Variants in LRRTM4 observed in about 807,000 individuals in gnomAD.
The protein encoded by LRRTM4 is leucine rich repeat transmembrane neuronal 4.
LRRTM4 carries 25 observed loss-of-function variants against 47.6 expected under a neutral mutation model. The observed-to-expected ratio is 0.53, with a 90% CI of 0.38 to 0.73. The LOEUF (loss-of-function observed/expected upper bound fraction) is 0.73. Among genes scored for constraint, LRRTM4 ranks in the 30% least tolerant of loss-of-function variants. The pLI, the probability that LRRTM4 is intolerant of heterozygous loss-of-function variation, is 0.00. For synonymous variants in LRRTM4, 311 were observed against 269.5 expected (o/e 1.15, Z -1.51); for missense variants, 638 against 713.4 (o/e 0.89, Z 1.20).
At chr2:77,193,775 C>A (rs900970284) in intron 3 of LRRTM4, among the ~76,000 whole-genome samples, 1 of 152,064 alleles carries the variant, frequency 6.6e-6, no homozygotes, top group African/African-American at 2.4e-5. Context: ...GAAACTCCAT[C>A]TCAGGAAAAA....
At chr2:77,343,066 T>G (rs1671433275) in intron 3 of LRRTM4, among the ~76,000 whole-genome samples, 1 of 151,978 alleles carries the variant, frequency 6.6e-6, no homozygotes, top group South Asian at 2.1e-4. Context: ...GAAAGCAAAT[T>G]AATTCACTAT....
chr2:77,284,130 C>A (rs1319213260), intron 3 of LRRTM4, among the ~76,000 whole-genome samples: 14 of 152,148 alleles, frequency 9.2e-5, no homozygotes, highest in Middle Eastern at 3.4e-3. Context: ...CTTTGTCTAA[C>A]AAGTGAAGCT....
At chr2:76,896,676 A>T (rs2103730083) in intron 3 of LRRTM4, among the ~76,000 whole-genome samples, 1 of 151,822 alleles carries the variant, frequency 6.6e-6, no homozygotes, top group East Asian at 1.9e-4. Flanking sequence ...TTAGTTAAAA[A>T]GTGTTATCTA....
chr2:76,926,001 G>A (rs1674578309), intron 3 of LRRTM4, among the ~76,000 whole-genome samples: 1 of 152,090 alleles, frequency 6.6e-6, no homozygotes. Flanking sequence ...ATAAAACCAG[G>A]TTGTTACAAG....
intron 3 of LRRTM4, among the ~76,000 whole-genome samples, chr2:76,927,367 C>A (rs1164083956): frequency 1.3e-5 from 2 of 152,070 alleles, no homozygotes; most frequent in African/African-American, 2.4e-5. Flanking sequence ...CCTCTAAAGG[C>A]CTTGCTGTAT....
intron 3 of LRRTM4, among the ~76,000 whole-genome samples, chr2:77,037,750 G>C (rs556492939): frequency 6.6e-6 from 1 of 151,636 alleles, no homozygotes; most frequent in Non-Finnish European, 1.5e-5. Context: ...TTGCTTATTT[G>C]TTTTCAGCTT....
intron 3 of LRRTM4, among the ~76,000 whole-genome samples, chr2:76,772,325 T>C (rs1165861471): frequency 6.6e-6 from 1 of 152,150 alleles, no homozygotes; most frequent in African/African-American, 2.4e-5. Context: ...TAATTTTTTT[T>C]AATTAAAGCC....
At chr2:77,100,798 C>A (rs1216499125) in intron 3 of LRRTM4, among the ~76,000 whole-genome samples, 2 of 150,232 alleles carry the variant, frequency 1.3e-5, no homozygotes, top group Admixed American at 1.3e-4. Flanking sequence ...ACTAAGAGAT[C>A]ATACAGAAAT....
At chr2:77,410,413 TA>T (rs928066950) in intron 3 of LRRTM4, among the ~76,000 whole-genome samples, 6 of 152,164 alleles carry the variant, frequency 3.9e-5, no homozygotes, top group African/African-American at 1.4e-4. Context: ...TCTTAAGCCC[TA>T]AAGATTTTGG....
intron 3 of LRRTM4, among the ~76,000 whole-genome samples, chr2:77,101,505 T>C (rs905999217): frequency 6.6e-6 from 1 of 152,218 alleles, no homozygotes; most frequent in Admixed American, 6.5e-5. Context: ...TATCCAAATA[T>C]GGCATTTCCT....
intron 3 of LRRTM4, among the ~76,000 whole-genome samples, chr2:77,210,729 CA>C: frequency 6.6e-6 from 1 of 152,066 alleles, no homozygotes. Context: ...TTGAAGTTAC[CA>C]AAGAAATTGA....
At chr2:77,083,658 A>AAC (rs1236880940) in intron 3 of LRRTM4, among the ~76,000 whole-genome samples, 3 of 152,026 alleles carry the variant, frequency 2.0e-5, no homozygotes, top group African/African-American at 7.3e-5. Flanking sequence ...CATGATGAAC[A>AAC]GTTAGTAAAG....
intron 3 of LRRTM4, among the ~76,000 whole-genome samples, chr2:77,196,605 A>G (rs192988103): frequency 7.7e-4 from 117 of 152,200 alleles, no homozygotes; most frequent in African/African-American, 2.7e-3. Flanking sequence ...TTAGCCGGGT[A>G]TGGTAGCAGG....
chr2:77,077,413 A>G lies in LRRTM4; in HGVS notation c.1552-328497T>C, dbSNP rs527264841. On this transcript the variant is annotated intron_variant, in intron 3 of 3. Coordinates refer to ENST00000409884, the MANE Select transcript of LRRTM4 (RefSeq NM_001134745.3). The stretch of plus-strand genomic sequence containing the variant: ...CTAATAGATAGTACAAGTCAGACAT[A>G]TTAGAGATATTTTCAAGTTCTTCCA... Among the ~76,000 whole-genome samples the G allele has an allele frequency of 3.9e-5, 6 of 152,282 alleles. No homozygotes were observed. The East Asian group carries it at 1.2e-3, about 29-fold the overall frequency.
intron 3 of LRRTM4, among the ~76,000 whole-genome samples, chr2:77,083,692 C>A (rs1277770445): frequency 3.3e-5 from 5 of 149,794 alleles, no homozygotes; most frequent in Non-Finnish European, 5.9e-5. Flanking sequence ...ATGCTCCTTT[C>A]ACTCACTCTG....
intron 3 of LRRTM4, among the ~76,000 whole-genome samples, chr2:77,134,040 G>T (rs984774765): frequency 1.3e-5 from 2 of 152,050 alleles, no homozygotes; most frequent in Admixed American, 6.6e-5. Context: ...AAAAGCACTT[G>T]AAAAGATTCT....
chr2:77,286,781 T>C (rs1199822521), intron 3 of LRRTM4, among the ~76,000 whole-genome samples: 1 of 152,112 alleles, frequency 6.6e-6, no homozygotes, highest in African/African-American at 2.4e-5. Flanking sequence ...CTAGCTATTG[T>C]CATGTTTTTA....
chr2:76,826,722 G>A (rs899845957), intron 3 of LRRTM4, among the ~76,000 whole-genome samples: 9 of 151,750 alleles, frequency 5.9e-5, no homozygotes, highest in African/African-American at 2.2e-4. Flanking sequence ...GAAATAAAAG[G>A]AAAGTCACCA....
chr2:77,507,596 A>C (rs1678823688), intron 3 of LRRTM4, among the ~76,000 whole-genome samples: 1 of 152,126 alleles, frequency 6.6e-6, no homozygotes, highest in African/African-American at 2.4e-5. Context: ...TTACCTCTCA[A>C]GTTTCAAGAT....
Sources: gnomAD v4.1 joint callset for allele counts (sites outside exome capture counted in the v4.1 genomes callset) on GRCh38, gnomAD v4.1.1 for gene constraint, MANE v1.5 for transcripts, NCBI Gene and HGNC (gene_info 2026-07-23, HGNC 2026-07-21) for gene names.